The following ADAMTS2 variants were observed in gnomAD, a reference collection of about 807,000 sequenced individuals.
The protein encoded by ADAMTS2 is A disintegrin and metalloproteinase with thrombospondin motifs 2.
A neutral mutation model predicts 123.0 loss-of-function variants in ADAMTS2; 50 were observed. The observed-to-expected ratio is 0.41, with a 90% CI of 0.32 to 0.51. The LOEUF is 0.51. Ranked by LOEUF, ADAMTS2 falls within the 20% of genes least tolerant of loss-of-function variation. ADAMTS2 has a pLI of 0.35. For synonymous variants in ADAMTS2, 678 were observed against 695.4 expected, an observed-to-expected ratio of 0.98 and a Z score of 0.39; for missense variants, 1,494 against 1,705.2, an observed-to-expected ratio of 0.88 and a Z score of 2.18.
At chr5:179,230,229 G>A (rs987558191) in intron 3 of ADAMTS2, among the ~76,000 whole-genome samples, 4 of 152,134 alleles carry the variant, frequency 2.6e-5, no homozygotes, top group Non-Finnish European at 4.4e-5. Context: ...GGGTGCCCTC[G>A]GGGGCAAGGG....
chr5:179,315,671 C>T lies in ADAMTS2; in HGVS notation c.534+28096G>A, dbSNP rs116321167. Among the ~76,000 whole-genome samples, 339 of 152,310 alleles carry T rather than the reference C, an allele frequency of 2.2e-3. 1 individual carries two copies. The highest frequency in any genetic ancestry group is 7.8e-3 in the African/African-American group (323 of 41,570). ...GGCACGCAGAGGAAAACTGAAACAACGATCCTTCCAGAGACAAAGCACAGC... is the reference window on the plus strand; with the variant it reads ...GGCACGCAGAGGAAAACTGAAACAATGATCCTTCCAGAGACAAAGCACAGC... On this transcript the variant is annotated intron_variant, in intron 2 of 21. Transcript: ENST00000251582.
chr5:179,335,764 C>T (rs541067931), intron 2 of ADAMTS2, among the ~76,000 whole-genome samples: 127 of 152,298 alleles, frequency 8.3e-4, no homozygotes, highest in African/African-American at 2.9e-3. Flanking sequence ...TTGCATGAAA[C>T]GTGAAGACAC....
Position 179,181,221 on chromosome 5 carries a change from G to T in ADAMTS2, c.892-66C>A. On this transcript the variant is annotated intron_variant, in intron 4 of 21. Transcript: ENST00000251582. This position sits in a 1 kb window ranked among gnomAD's most constrained non-coding sequence, Gnocchi z 4.1. ...TAGGACTGGCTCTGGCTCTGCCAAT[G>T]GGATGACCCCCACCTGCTCCTTCTT... The T allele has an allele frequency of 8.6e-7, 1 of 1,158,806 alleles. No individual in the cohort carries two copies. 71.8% of individuals were successfully genotyped at this position (1,158,806 alleles called of 1,614,324 possible).
At position 179,228,272 on chromosome 5, in the gene ADAMTS2, A is replaced by G. The variant is rs1200917108; in HGVS notation, c.689-20557T>C. Among the ~76,000 whole-genome samples, 1 of 152,220 alleles carries G rather than the reference A, an allele frequency of 6.6e-6. No individual in the cohort carries two copies. Among genetic ancestry groups the G allele is most frequent in the Non-Finnish European group, 1.5e-5 (1 of 68,030 alleles). On this transcript the variant is annotated intron_variant, in intron 3 of 21. Transcript: ENST00000251582. The surrounding 1 kb of genome is among the most constrained non-coding windows in gnomAD (Gnocchi z 5.2). Reference sequence around the variant, plus strand: ...AAAAGTAGGCATAACGATGCTGGCCACAGCCCACAAGTAAGACACATAGAA... The same window carrying G: ...AAAAGTAGGCATAACGATGCTGGCCGCAGCCCACAAGTAAGACACATAGAA...
intron 2 of ADAMTS2, among the ~76,000 whole-genome samples, chr5:179,286,004 A>G (rs1393686591): frequency 3.3e-5 from 5 of 152,084 alleles, no homozygotes; most frequent in Admixed American, 2.0e-4. Context: ...ACCTGAGGTC[A>G]GGAGTTTGAG....
At chr5:179,311,262 C>T (rs919011204) in intron 2 of ADAMTS2, among the ~76,000 whole-genome samples, 2 of 152,182 alleles carry the variant, frequency 1.3e-5, no homozygotes, top group African/African-American at 2.4e-5. Context: ...TCTGGCTGGC[C>T]ACTTCTCTGG....
chr5:179,146,563 G>A (rs7736323), intron 10 of ADAMTS2, among the ~76,000 whole-genome samples: 32,384 of 152,138 alleles, frequency 0.21, 3,643 homozygotes, highest in Non-Finnish European at 0.25. Context: ...AAATCAGAAA[G>A]ATGTCTGAAC....
At chr5:179,300,885 ACT>A (rs1756496507) in intron 2 of ADAMTS2, among the ~76,000 whole-genome samples, 1 of 151,986 alleles carries the variant, frequency 6.6e-6, no homozygotes, top group Non-Finnish European at 1.5e-5. Flanking sequence ...TCTGGCAAAA[ACT>A]CTTCATCTAC....
rs1449675206 is a variant in ADAMTS2, at chr5:179,180,408, G to C, written c.975+664C>G. Among the ~76,000 whole-genome samples, 1 of 152,230 alleles carries C rather than the reference G, an allele frequency of 6.6e-6. No homozygotes were observed. Among genetic ancestry groups the C allele is most frequent in the Non-Finnish European group, 1.5e-5 (1 of 68,044 alleles). ...TTTAATACGGGGGCAGAAGTCCAAG[G>C]GAGGGTCGTGTTAACCACGTGTTTC... On this transcript the variant is annotated intron_variant, in intron 5 of 21. Coordinates refer to ENST00000251582, the MANE Select transcript of ADAMTS2 (RefSeq NM_014244.5). This position sits in a 1 kb window ranked among gnomAD's most constrained non-coding sequence, Gnocchi z 4.6.
Position 179,344,014 on chromosome 5 carries a change from C to T in ADAMTS2, c.287G>A (p.Ser96Asn). 2 of 1,612,682 alleles carry T rather than the reference C, an allele frequency of 1.2e-6. No homozygotes were observed. The highest frequency in any genetic ancestry group is 1.7e-6 in the Non-Finnish European group (2 of 1,179,874). ...CTCCTCCTCGTTGCCTCCGGGGAAG[C>T]TCGGGGTCCGGACCGGGGCGGCCCT... ...ARRAAPVRTP[S>N]FPGGNEEEPG... is the part of the protein sequence containing the mutation. The change falls in exon 2 of 22, where the codon AGC (serine) becomes AAC (asparagine). Residue 96 changes from serine to asparagine, a missense_variant. Ser to Asn is a conservative substitution (Grantham distance 46). Around this residue, in one of 6 missense-constraint regions of ADAMTS2, gnomAD observed 237 missense variants for 233.7 expected, o/e 1.01. Transcript: ENST00000251582.
chr5:179,328,643 C>T (rs981258917), intron 2 of ADAMTS2, among the ~76,000 whole-genome samples: 17 of 152,274 alleles, frequency 1.1e-4, no homozygotes, highest in African/African-American at 4.1e-4. Context: ...CTGAGAATAT[C>T]ATTAGTCTGA....
intron 3 of ADAMTS2, among the ~76,000 whole-genome samples, chr5:179,271,733 C>T (rs1766539925): frequency 6.6e-6 from 1 of 152,244 alleles, no homozygotes; most frequent in Non-Finnish European, 1.5e-5. Flanking sequence ...GTACATTGGG[C>T]TTCCTGATGG....
chr5:179,177,729 A>G (rs1737189183), intron 5 of ADAMTS2, among the ~76,000 whole-genome samples: 1 of 151,880 alleles, frequency 6.6e-6, no homozygotes, highest in Non-Finnish European at 1.5e-5. Flanking sequence ...GTGATCACAT[A>G]CTCCTTCTAC....
At chr5:179,335,011 A>C (rs1418277345) in intron 2 of ADAMTS2, among the ~76,000 whole-genome samples, 1 of 152,248 alleles carries the variant, frequency 6.6e-6, no homozygotes, top group Non-Finnish European at 1.5e-5. Flanking sequence ...TTCTAAGTTT[A>C]ATTTACTATC....
In ADAMTS2 at chr5:179,272,910, C is replaced by A. The variant is rs1182409555; in HGVS notation, c.688+1G>T. Reference sequence around the variant, plus strand: ...AGCCTGCCCACCTGCAGTAGCCTCACCTGTGTCCAGGGCCTGTGGCCCCCC... The same window carrying A: ...AGCCTGCCCACCTGCAGTAGCCTCAACTGTGTCCAGGGCCTGTGGCCCCCC... On this transcript the variant is annotated splice_donor_variant, in intron 3 of 21. Transcript: ENST00000251582. LOFTEE classifies it high-confidence loss of function. This position sits in a 1 kb window ranked among gnomAD's most constrained non-coding sequence, Gnocchi z 5.8. 6 of 1,608,884 alleles carry A rather than the reference C, an allele frequency of 3.7e-6. No homozygotes were observed. The highest frequency in any genetic ancestry group is 5.1e-6 in the Non-Finnish European group (6 of 1,179,896).
At chr5:179,321,797 T>C (rs1757188097) in intron 2 of ADAMTS2, among the ~76,000 whole-genome samples, 1 of 152,066 alleles carries the variant, frequency 6.6e-6, no homozygotes, top group Non-Finnish European at 1.5e-5. Context: ...CTACCCTTCC[T>C]CTCTACCACC....
At chr5:179,178,205 G>A (rs1186991014) in intron 5 of ADAMTS2, among the ~76,000 whole-genome samples, 2 of 152,310 alleles carry the variant, frequency 1.3e-5, no homozygotes, top group East Asian at 1.9e-4. Context: ...GGGGAAGGCC[G>A]GAACAGGGAA....
At chr5:179,330,313 A>C (rs1338235998) in intron 2 of ADAMTS2, among the ~76,000 whole-genome samples, 4 of 152,006 alleles carry the variant, frequency 2.6e-5, no homozygotes, top group Admixed American at 2.0e-4. Flanking sequence ...GTCTATCAGG[A>C]CAGGCTGACA....
At chr5:179,331,420 G>A (rs1757472238) in intron 2 of ADAMTS2, among the ~76,000 whole-genome samples, 1 of 36,484 alleles carries the variant, frequency 2.7e-5, no homozygotes, top group African/African-American at 1.2e-4. Context: ...GGGGAAGGGA[G>A]GGAGAGGAGG....
Sources: gnomAD v4.1 joint callset for allele counts (sites outside exome capture counted in the v4.1 genomes callset) on GRCh38, gnomAD v4.1.1 for gene constraint, gnomAD v4.1.1 regional missense constraint, Gnocchi (gnomAD v3.1) non-coding constraint, MANE v1.5 for transcripts, NCBI Gene and HGNC (gene_info 2026-07-23, HGNC 2026-07-21) for gene names.